RBKS: variants seen among roughly 807,000 people sequenced by gnomAD.
RBKS encodes the protein ribokinase.
A neutral mutation model predicts 33.9 loss-of-function variants in RBKS; 33 were observed. That is an observed-to-expected ratio of 0.97 (90% confidence interval 0.74 to 1.30). The LOEUF is 1.30. RBKS is among the 50% of genes most tolerant of loss of function. The pLI, the probability that RBKS is intolerant of heterozygous loss-of-function variation, is 0.00. For missense variants in RBKS, 361 were observed against 392.6 expected (o/e 0.92, Z 0.68); for synonymous variants, 125 against 143.0 (o/e 0.87, Z 0.90).
intron 1 of RBKS, among the ~76,000 whole-genome samples, chr2:27,859,609 G>C (rs571794223): frequency 6.6e-6 from 1 of 152,324 alleles, no homozygotes; most frequent in East Asian, 1.9e-4. Flanking sequence ...AAGTGAAGAA[G>C]ATGGGCTCAG....
At chr2:27,864,389 G>A (rs1664046262) in intron 1 of RBKS, among the ~76,000 whole-genome samples, 1 of 152,290 alleles carries the variant, frequency 6.6e-6, no homozygotes, top group East Asian at 1.9e-4. Flanking sequence ...AATTTGTAGA[G>A]TGGACAAACA....
At chr2:27,813,669 A>C (rs1678033768) in intron 7 of RBKS, among the ~76,000 whole-genome samples, 1 of 151,432 alleles carries the variant, frequency 6.6e-6, no homozygotes, top group Non-Finnish European at 1.5e-5. Context: ...CTATATATCT[A>C]TATATATATA....
intron 7 of RBKS, among the ~76,000 whole-genome samples, chr2:27,800,924 T>C (rs1677766059): frequency 6.6e-6 from 1 of 152,106 alleles, no homozygotes; most frequent in Non-Finnish European, 1.5e-5. Flanking sequence ...GGGGAGGACG[T>C]GCAGAGGGAG....
In RBKS at chr2:27,835,662, C is replaced by T. The variant is rs570693961; in HGVS notation, c.515-2885G>A. On this transcript the variant is annotated intron_variant, in intron 5 of 7. Transcript: ENST00000302188. Reference sequence around the variant, plus strand: ...CTGTTCTTGAATTCCTGGGCTCAAGCGATCCTCACACCTTGGCCTCCCAAA... The same window carrying T: ...CTGTTCTTGAATTCCTGGGCTCAAGTGATCCTCACACCTTGGCCTCCCAAA... Among the ~76,000 whole-genome samples, 25 of 149,620 alleles carry T rather than the reference C, an allele frequency of 1.7e-4. 1 individual carries two copies. The highest frequency in any genetic ancestry group is 6.4e-4 in the South Asian group (3 of 4,682).
chr2:27,868,454 T>C (rs1324457575), intron 1 of RBKS, among the ~76,000 whole-genome samples: 1 of 152,228 alleles, frequency 6.6e-6, no homozygotes, highest in Non-Finnish European at 1.5e-5. Context: ...TCTGACTCCA[T>C]TGCTATAGTT....
At chr2:27,825,954 C>A (rs909491604) in intron 7 of RBKS, among the ~76,000 whole-genome samples, 6 of 152,188 alleles carry the variant, frequency 3.9e-5, no homozygotes, top group Admixed American at 2.6e-4. Flanking sequence ...AGTCTTTTCA[C>A]TTTAGTGAAA....
In RBKS at chr2:27,858,583, TA is replaced by T. The variant is rs1341115542; in HGVS notation, c.90-13del. On this transcript the variant is annotated splice_polypyrimidine_tract_variant and intron_variant, in intron 1 of 7. Transcript: ENST00000302188. Reference sequence around the variant, plus strand: ...AACGAGAAGTAAGACTATTGTAATTTAAAAAGAGAAGAAAAAAGCATATTGG... The same window carrying T: ...AACGAGAAGTAAGACTATTGTAATTTAAAAGAGAAGAAAAAAGCATATTGG... 6.2e-7 allele frequency: 1 copy of T among 1,607,964 alleles called. No individual in the cohort carries two copies. The highest frequency in any genetic ancestry group is 8.5e-7 in the Non-Finnish European group (1 of 1,177,554).
chr2:27,840,364 G>GCACACA lies in RBKS; in HGVS notation c.514+2697_514+2702dup, dbSNP rs70953891. ...CACACACACACACACACGCGCGCGC[G>GCACACA]CACACACACACACACACACACACAC... On this transcript the variant is annotated intron_variant, in intron 5 of 7. Coordinates refer to ENST00000302188, the MANE Select transcript of RBKS (RefSeq NM_022128.3). Among the ~76,000 whole-genome samples the GCACACA allele has an allele frequency of 3.1e-3, 399 of 130,148 alleles. 1 individual carries two copies. Among genetic ancestry groups the GCACACA allele is most frequent in the Non-Finnish European group, 4.5e-3 (277 of 61,616 alleles). The allele number at this position is 130,148 out of a possible 152,430, so 85.4% of individuals were successfully genotyped here.
rs1055258321 is a variant in RBKS, at chr2:27,836,663, A to G, written c.515-3886T>C. On this transcript the variant is annotated intron_variant, in intron 5 of 7. Coordinates refer to ENST00000302188, the MANE Select transcript of RBKS (RefSeq NM_022128.3). ...TTGACAAGTGGGACTTAATTAAACTAAATAGCTTCTGCATAGCAAAAGAAA... is the reference window on the plus strand; with the variant it reads ...TTGACAAGTGGGACTTAATTAAACTGAATAGCTTCTGCATAGCAAAAGAAA... 5.9e-5 allele frequency among the ~76,000 whole-genome samples: 9 copies of G among 152,334 alleles called. No individual in the cohort carries two copies. The East Asian group carries it at 1.7e-3, about 29-fold the overall frequency.
At chr2:27,800,342 ATGGTT>A (rs1677750805) in intron 7 of RBKS, among the ~76,000 whole-genome samples, 1 of 152,158 alleles carries the variant, frequency 6.6e-6, no homozygotes. Context: ...AATGCAGTAA[ATGGTT>A]TGGATTTCAG....
chr2:27,806,131 G>A (rs564469627), intron 7 of RBKS, among the ~76,000 whole-genome samples: 5 of 151,604 alleles, frequency 3.3e-5, no homozygotes, highest in East Asian at 2.0e-4. Flanking sequence ...CGATTCGCCC[G>A]CCTCGGCCTC....
In RBKS at chr2:27,832,739, G is replaced by C. The variant is rs1558544602; in HGVS notation, c.553C>G (p.Leu185Val). 6.2e-7 allele frequency: 1 copy of C among 1,613,196 alleles called. No individual in the cohort carries two copies. The change falls in exon 6 of 8, where the codon CTG (leucine) becomes GTG (valine). Residue 185 changes from leucine (L) to valine (V), a missense_variant. Transcript: ENST00000302188. ...LFNPAPAIAD[L>V]DPQFYTLSDV... Reference sequence around the variant, plus strand: ...GAGAGGGTGTAGAACTGGGGATCCAGGTCAGCAATGGCAGGGGCTGGATTG... The same window carrying C: ...GAGAGGGTGTAGAACTGGGGATCCACGTCAGCAATGGCAGGGGCTGGATTG...
chr2:27,792,951 T>A (rs912223897), intron 7 of RBKS, among the ~76,000 whole-genome samples: 2 of 152,204 alleles, frequency 1.3e-5, no homozygotes, highest in African/African-American at 4.8e-5. Context: ...TTCTATTTCC[T>A]GTTGGCCTTG....
At chr2:27,861,297 G>A (rs961985441) in intron 1 of RBKS, 13 of 353,354 alleles carry the variant, frequency 3.7e-5, no homozygotes, top group African/African-American at 1.5e-4. Flanking sequence ...TGTCTCCCCC[G>A]TATAGCATCT....
At chr2:27,790,675 C>G (rs566236922) in intron 7 of RBKS, among the ~76,000 whole-genome samples, 1 of 152,178 alleles carries the variant, frequency 6.6e-6, no homozygotes, top group Admixed American at 6.5e-5. Flanking sequence ...AAAAGATGCT[C>G]AATATCATCA....
intron 7 of RBKS, among the ~76,000 whole-genome samples, chr2:27,794,387 A>G (rs1457952714): frequency 6.0e-5 from 9 of 150,780 alleles, no homozygotes; most frequent in Non-Finnish European, 1.3e-4. Context: ...AAAGAAATCA[A>G]TATCAGTCAC....
At chr2:27,883,123 T>C (rs930605263) in intron 1 of RBKS, among the ~76,000 whole-genome samples, 1 of 152,090 alleles carries the variant, frequency 6.6e-6, no homozygotes, top group Admixed American at 6.6e-5. Flanking sequence ...TCACCCAGTC[T>C]TAGGTATTCT....
intron 1 of RBKS, among the ~76,000 whole-genome samples, chr2:27,883,509 A>G (rs756006890): frequency 1.5e-4 from 23 of 152,022 alleles, no homozygotes; most frequent in Admixed American, 1.2e-3. Context: ...TCCTAACTGC[A>G]GTATTCTTAG....
Position 27,862,175 on chromosome 2 carries a change from T to G in RBKS, c.90-3604A>C, listed in dbSNP as rs147534031. Among the ~76,000 whole-genome samples, 780 of 151,858 alleles carry G rather than the reference T, an allele frequency of 5.1e-3. 6 individuals are homozygous for G. Among genetic ancestry groups the G allele is most frequent in the African/African-American group, 0.018 (736 of 41,444 alleles). On this transcript the variant is annotated intron_variant, in intron 1 of 7. Coordinates refer to ENST00000302188, the MANE Select transcript of RBKS (RefSeq NM_022128.3). ...ATGTTGCTCAGGCTGGTCTCAAACT[T>G]TTGGACTCAGGCGATCCTCCTGCCT...
Sources: allele counts gnomAD v4.1 joint callset (sites outside exome capture counted in the v4.1 genomes callset), GRCh38; gene constraint gnomAD v4.1.1; transcripts MANE v1.5; gene names NCBI Gene and HGNC (gene_info 2026-07-23, HGNC 2026-07-21).